Variants in SYT16 observed in about 807,000 individuals in gnomAD.
SYT16 encodes synaptotagmin 16, also known as synaptotagmin-16.
In SYT16, 42 loss-of-function variants were observed where a neutral mutation model predicts 61.4. That is an observed-to-expected ratio of 0.68 (90% CI 0.53 to 0.89). The LOEUF (loss-of-function observed/expected upper bound fraction) is 0.89, where lower values mean the gene tolerates loss of function less well. Ranked by LOEUF, SYT16 falls within the 40% of genes least tolerant of loss-of-function variation. The pLI is 0.00. For missense variants in SYT16, 804 were observed against 807.3 expected (o/e 1.00, Z 0.05); for synonymous variants, 314 against 302.3 (o/e 1.04, Z -0.40).
intron 1 of SYT16, among the ~76,000 whole-genome samples, chr14:61,963,782 A>G (rs1285100187): frequency 1.3e-5 from 2 of 152,190 alleles, no homozygotes; most frequent in Non-Finnish European, 2.9e-5. Context: ...TTCAAACTTC[A>G]AAGGGCGAGC....
At chr14:61,826,260 CAT>C (rs1202802353) in intron 1 of SYT16, among the ~76,000 whole-genome samples, 3 of 151,960 alleles carry the variant, frequency 2.0e-5, no homozygotes, top group Non-Finnish European at 2.9e-5. Flanking sequence ...TAGTTCGCCT[CAT>C]GTGCACATTT....
chr14:61,877,529 CT>C (rs1413945175), intron 1 of SYT16, among the ~76,000 whole-genome samples: 1 of 152,216 alleles, frequency 6.6e-6, no homozygotes, highest in Admixed American at 6.5e-5. Context: ...ACCTGGGCCC[CT>C]GAGGGTTCAA....
intron 3 of SYT16, among the ~76,000 whole-genome samples, chr14:62,054,292 A>T (rs2055440136): frequency 6.7e-6 from 1 of 148,982 alleles, no homozygotes; most frequent in Admixed American, 6.7e-5. Flanking sequence ...CAAATATCTG[A>T]TCTACAGATT....
intron 1 of SYT16, among the ~76,000 whole-genome samples, chr14:61,853,233 T>C (rs570892037): frequency 6.6e-6 from 1 of 152,348 alleles, no homozygotes; most frequent in African/African-American, 2.4e-5. Context: ...TGTTCTTTAC[T>C]TGTCCCAAAC....
intron 1 of SYT16, among the ~76,000 whole-genome samples, chr14:61,937,793 C>T (rs897483766): frequency 6.6e-6 from 1 of 152,084 alleles, no homozygotes; most frequent in African/African-American, 2.4e-5. Context: ...GGAAACTTGT[C>T]CCTAACTTGG....
chr14:62,033,558 A>C (rs1396631996), intron 3 of SYT16, among the ~76,000 whole-genome samples: 1 of 152,166 alleles, frequency 6.6e-6, no homozygotes, highest in Non-Finnish European at 1.5e-5. Flanking sequence ...GAAGAAAGAG[A>C]GTATATGAGA....
At chr14:61,995,816 T>C in intron 2 of SYT16, 60 bp from the exon 3 acceptor site, 6 of 450,728 alleles carry the variant, frequency 1.3e-5, no homozygotes, top group Non-Finnish European at 1.9e-5. Flanking sequence ...TGTAGGTATC[T>C]GGTGATGGGT....
rs534911224 is a variant in SYT16 at position 62,108,297 on chromosome 14, T to C, written c.*7590T>C. 2 of 152,348 alleles carry C rather than the reference T, an allele frequency of 1.3e-5. No individual in the cohort carries two copies. Among genetic ancestry groups the C allele is most frequent in the Admixed American group, 1.3e-4 (2 of 15,300 alleles). The allele number at this position is 152,348 out of a possible 1,614,324, so 9.4% of individuals were successfully genotyped here. On this transcript the variant is annotated 3_prime_UTR_variant, in exon 8 of 8. Transcript: ENST00000683842. The stretch of plus-strand genomic sequence containing the variant: ...AAAATCTTTGGTGGCCTGAAAATTC[T>C]GACTGAAAGCAAGTTTTTCGTGTTG...
intron 3 of SYT16, among the ~76,000 whole-genome samples, chr14:62,048,711 T>C (rs1266629031): frequency 3.3e-5 from 5 of 152,230 alleles, no homozygotes; most frequent in Non-Finnish European, 7.3e-5. Context: ...AACATCTTTA[T>C]GTCTGCCTTC....
intron 3 of SYT16, among the ~76,000 whole-genome samples, chr14:62,008,535 C>G (rs1228040153): frequency 4.6e-5 from 7 of 151,946 alleles, no homozygotes; most frequent in African/African-American, 1.7e-4. Context: ...ATTGAAATCC[C>G]CTAAGAAGCC....
At chr14:62,046,184 G>A (rs1205620436) in intron 3 of SYT16, among the ~76,000 whole-genome samples, 1 of 152,042 alleles carries the variant, frequency 6.6e-6, no homozygotes, top group Non-Finnish European at 1.5e-5. Context: ...GTTTTGATTT[G>A]CATTTCTCTG....
intron 1 of SYT16, among the ~76,000 whole-genome samples, chr14:61,891,557 C>A (rs1279287817): frequency 6.6e-6 from 1 of 152,116 alleles, no homozygotes; most frequent in Non-Finnish European, 1.5e-5. Flanking sequence ...GCTGGAGGGA[C>A]CAACAGCTGG....
intron 1 of SYT16, among the ~76,000 whole-genome samples, chr14:61,925,009 T>A (rs2049478962): frequency 1.3e-5 from 2 of 152,220 alleles, no homozygotes; most frequent in Non-Finnish European, 2.9e-5. Flanking sequence ...TACACTTGCA[T>A]CTCATTTGCC....
chr14:61,891,510 G>C (rs961320965), intron 1 of SYT16, among the ~76,000 whole-genome samples: 3 of 152,186 alleles, frequency 2.0e-5, no homozygotes, highest in African/African-American at 7.2e-5. Flanking sequence ...TAATGAGCCT[G>C]AATAGCTGCC....
At chr14:61,908,825 CT>C (rs2048819935) in intron 1 of SYT16, among the ~76,000 whole-genome samples, 1 of 152,118 alleles carries the variant, frequency 6.6e-6, no homozygotes, top group African/African-American at 2.4e-5. Flanking sequence ...TTCTTCCTTT[CT>C]TTCCTTTCTT....
intron 1 of SYT16, among the ~76,000 whole-genome samples, chr14:61,950,322 A>G (rs1430886071): frequency 6.6e-6 from 1 of 151,594 alleles, no homozygotes; most frequent in East Asian, 2.0e-4. Context: ...TTGGAAATAA[A>G]GGACTCTTTT....
At chr14:61,976,564 T>A (rs1042210722) in intron 2 of SYT16, among the ~76,000 whole-genome samples, 4 of 152,158 alleles carry the variant, frequency 2.6e-5, no homozygotes, top group Non-Finnish European at 5.9e-5. Flanking sequence ...GCCCAACACA[T>A]GTAAGCTACC....
At chr14:61,930,843 C>A (rs887611542) in intron 1 of SYT16, among the ~76,000 whole-genome samples, 1 of 152,000 alleles carries the variant, frequency 6.6e-6, no homozygotes, top group African/African-American at 2.4e-5. Flanking sequence ...AGAAAGGGAC[C>A]ATGAGCCAAG....
At chr14:61,833,706 CTTT>C (rs11357318) in intron 1 of SYT16, among the ~76,000 whole-genome samples, 26 of 48,344 alleles carry the variant, frequency 5.4e-4, no homozygotes, top group African/African-American at 2.2e-3. Flanking sequence ...CCAGCAGTGG[CTTT>C]TTTTTTTTTT....
Sources: allele counts gnomAD v4.1 joint callset (sites outside exome capture counted in the v4.1 genomes callset), GRCh38; gene constraint gnomAD v4.1.1; transcripts MANE v1.5; gene names NCBI Gene and HGNC (gene_info 2026-07-23, HGNC 2026-07-21).